The following ZFYVE28 variants were observed in gnomAD, a reference collection of about 807,000 sequenced individuals.
ZFYVE28 encodes the protein zinc finger FYVE-type containing 28, also known as lateral signaling target protein 2 homolog.
ZFYVE28 carries 40 observed loss-of-function variants against 82.1 expected under a neutral mutation model. The observed-to-expected ratio is 0.49, with a 90% CI of 0.38 to 0.63. The LOEUF is 0.63. ZFYVE28 is among the 30% of genes least tolerant of loss of function. The pLI is 0.00. For missense variants in ZFYVE28, 1,321 were observed against 1,242.1 expected (o/e 1.06, Z -0.96); for synonymous variants, 612 against 546.1 (o/e 1.12, Z -1.68).
Position 2,294,937 on chromosome 4 carries a change from G to A in ZFYVE28, c.2051+9352C>T, listed in dbSNP as rs190712255. 3.8e-4 allele frequency among the ~76,000 whole-genome samples: 57 copies of A among 149,990 alleles called. 1 individual carries two copies. The East Asian group carries it at 7.7e-3, about 20-fold the overall frequency. On this transcript the variant is annotated intron_variant, in intron 8 of 12. Transcript: ENST00000290974. The stretch of plus-strand genomic sequence containing the variant: ...TCAAGGCCAGCCTGGGCAACATAGC[G>A]AGACCCTGTCTCTAAAAAATTACTT...
rs566985397 is a variant in ZFYVE28, at chr4:2,362,137, C to T, written c.40-8064G>A. Reference sequence around the variant, plus strand: ...AGCCCCCACACTCAGCCGTGGAGACCCAGGTGTGTTTGCCTCCTAGATATC... The same window carrying T: ...AGCCCCCACACTCAGCCGTGGAGACTCAGGTGTGTTTGCCTCCTAGATATC... On this transcript the variant is annotated intron_variant, in intron 1 of 12. Coordinates refer to ENST00000290974, the MANE Select transcript of ZFYVE28 (RefSeq NM_020972.3). The surrounding 1 kb of genome is among the most constrained non-coding windows in gnomAD (Gnocchi z 5.1). 6.6e-6 allele frequency among the ~76,000 whole-genome samples: 1 copy of T among 152,104 alleles called. No individual in the cohort carries two copies. The highest frequency in any genetic ancestry group is 2.1e-4 in the South Asian group (1 of 4,824).
chr4:2,396,572 C>A (rs58440861), intron 1 of ZFYVE28, among the ~76,000 whole-genome samples: 2 of 12,306 alleles, frequency 1.6e-4, no homozygotes, highest in East Asian at 2.7e-3. Context: ...TGCAGAGGGG[C>A]CACAAGGCGG....
chr4:2,323,087 TG>T (rs1719342725), intron 6 of ZFYVE28, among the ~76,000 whole-genome samples: 1 of 152,242 alleles, frequency 6.6e-6, no homozygotes, highest in African/African-American at 2.4e-5. Context: ...TATGACCATA[TG>T]GATCATATAA....
At chr4:2,356,796 G>A (rs1725400517) in intron 1 of ZFYVE28, among the ~76,000 whole-genome samples, 1 of 152,094 alleles carries the variant, frequency 6.6e-6, no homozygotes, top group Non-Finnish European at 1.5e-5. Flanking sequence ...CAAGGCCCGA[G>A]CCCCAGGGAG....
intron 1 of ZFYVE28, among the ~76,000 whole-genome samples, chr4:2,380,151 G>A (rs1259662667): frequency 1.2e-4 from 19 of 152,124 alleles, no homozygotes; most frequent in Admixed American, 1.2e-3. Flanking sequence ...ACACATCTTG[G>A]TACACCATCA....
Position 2,335,374 on chromosome 4 carries a change from AC to A in ZFYVE28, c.701+330del, listed in dbSNP as rs1314300825. ...GCGTGGCCACTCTGTTCCGAGCATG[AC>A]CCCTGTGTGACCCTCATGGTCTCCT... On this transcript the variant is annotated intron_variant, in intron 6 of 12. Transcript: ENST00000290974. This position sits in a 1 kb window ranked among gnomAD's most constrained non-coding sequence, Gnocchi z 5.8. 6.6e-6 allele frequency among the ~76,000 whole-genome samples: 1 copy of A among 151,924 alleles called. No individual in the cohort carries two copies. Among genetic ancestry groups the A allele is most frequent in the Non-Finnish European group, 1.5e-5 (1 of 67,978 alleles).
intron 1 of ZFYVE28, among the ~76,000 whole-genome samples, chr4:2,403,610 C>A (rs1731436772): frequency 6.6e-6 from 1 of 152,154 alleles, no homozygotes; most frequent in Non-Finnish European, 1.5e-5. Flanking sequence ...GCCATAGATG[C>A]CCTCTCAGGC....
rs1726266808 is a variant in ZFYVE28, at chr4:2,362,263, T to C, written c.40-8190A>G. Among the ~76,000 whole-genome samples, 1 of 152,032 alleles carries C rather than the reference T, an allele frequency of 6.6e-6. No homozygotes were observed. ...AGGTGTCTGAGGCACCGCCTGGGCC[T>C]CTCCAGGGCCAGCTTTCCATTAAAG... On this transcript the variant is annotated intron_variant, in intron 1 of 12. Transcript: ENST00000290974. This position sits in a 1 kb window ranked among gnomAD's most constrained non-coding sequence, Gnocchi z 5.1.
intron 7 of ZFYVE28, among the ~76,000 whole-genome samples, chr4:2,309,653 C>T (rs1717199257): frequency 1.3e-5 from 2 of 152,116 alleles, no homozygotes; most frequent in Non-Finnish European, 2.9e-5. Context: ...CCTTATTGCA[C>T]TTGCTGGGCC....
chr4:2,345,625 AT>A (rs1349525044), intron 2 of ZFYVE28, among the ~76,000 whole-genome samples: 1 of 151,892 alleles, frequency 6.6e-6, no homozygotes, highest in Non-Finnish European at 1.5e-5. Flanking sequence ...ATAGAAAAAA[AT>A]ATTTGGAGGA....
chr4:2,350,356 C>T (rs530305104), intron 2 of ZFYVE28, among the ~76,000 whole-genome samples: 40 of 151,388 alleles, frequency 2.6e-4, no homozygotes, highest in East Asian at 7.8e-4. Context: ...CCCAGCTACT[C>T]GGGAGGCTGA....
rs780478868 is a variant in ZFYVE28 at position 2,304,707 on chromosome 4, T to C, written c.1633A>G (p.Met545Val). Residue 545 changes from methionine to valine, a missense_variant, in exon 8 of 13, where the codon ATG becomes GTG. Transcript: ENST00000290974. ...CTAAGCTTGTGGGGGCCGCCATCCA[T>C]CCCCTCGGCCACGGGCTCCGAGGCG... ...EAASEPVAEG[M>V]DGGPHKLSTG... 1.9e-6 allele frequency: 3 copies of C among 1,612,550 alleles called. No homozygotes were observed. The South Asian group carries it at 3.3e-5, about 18-fold the overall frequency.
intron 1 of ZFYVE28, among the ~76,000 whole-genome samples, chr4:2,392,118 C>T (rs931959070): frequency 6.6e-6 from 1 of 150,966 alleles, no homozygotes; most frequent in African/African-American, 2.4e-5. Context: ...TGCATCATTG[C>T]ACTCCATCCT....
At chr4:2,370,702 C>A (rs148844312) in intron 1 of ZFYVE28, among the ~76,000 whole-genome samples, 1 of 152,184 alleles carries the variant, frequency 6.6e-6, no homozygotes, top group Non-Finnish European at 1.5e-5. Context: ...CCTGCTGCCA[C>A]CCCCACCTCT....
chr4:2,324,041 A>C (rs568464713), intron 6 of ZFYVE28, among the ~76,000 whole-genome samples: 1 of 152,270 alleles, frequency 6.6e-6, no homozygotes, highest in African/African-American at 2.4e-5. Context: ...GCAAAATCTG[A>C]GAACAGGAAG....
chr4:2,291,507 G>A (rs1041899472), intron 8 of ZFYVE28, among the ~76,000 whole-genome samples: 5 of 152,198 alleles, frequency 3.3e-5, no homozygotes, highest in Non-Finnish European at 5.9e-5. Context: ...ACCCCTTGAC[G>A]GGCTCCCTGA....
At chr4:2,361,820 A>T (rs1025573623) in intron 1 of ZFYVE28, among the ~76,000 whole-genome samples, 3 of 152,214 alleles carry the variant, frequency 2.0e-5, no homozygotes, top group Non-Finnish European at 4.4e-5. Flanking sequence ...TAAATCCTGC[A>T]GGTGGGGACC....
intron 8 of ZFYVE28, among the ~76,000 whole-genome samples, chr4:2,278,917 C>T (rs903762436): frequency 3.3e-4 from 45 of 138,016 alleles, no homozygotes; most frequent in Admixed American, 2.0e-3. Context: ...TCTATTAGGA[C>T]GATTAGAATG....
Position 2,278,105 on chromosome 4 carries a change from C to T in ZFYVE28, c.2052-3889G>A, listed in dbSNP as rs142362186. Among the ~76,000 whole-genome samples the T allele has an allele frequency of 3.9e-3, 587 of 152,204 alleles. 5 individuals carry two copies. The highest frequency in any genetic ancestry group is 0.013 in the African/African-American group (550 of 41,522). On this transcript the variant is annotated intron_variant, in intron 8 of 12. Transcript: ENST00000290974. ...TTTTCAACAAATGCTGCCGGAAAAC[C>T]GGAGACACACATGCAAAAGGATGAA...
Sources: gnomAD v4.1 joint callset for allele counts (sites outside exome capture counted in the v4.1 genomes callset) on GRCh38, gnomAD v4.1.1 for gene constraint, Gnocchi (gnomAD v3.1) non-coding constraint, MANE v1.5 for transcripts, NCBI Gene and HGNC (gene_info 2026-07-23, HGNC 2026-07-21) for gene names.